The following HMOX2 variants were observed in gnomAD, a reference collection of about 807,000 sequenced individuals.
The protein encoded by HMOX2 is heme oxygenase 2, also known as heme oxygenase (decycling) 2.
Under a neutral mutation model 33.7 loss-of-function variants are expected in HMOX2, and 30 were observed. The ratio of observed to expected loss-of-function variants is 0.89; its 90% CI spans 0.67 to 1.21. The LOEUF is 1.21. Ranked by LOEUF, HMOX2 falls within the 50% of genes most tolerant of loss-of-function variation. The pLI, the probability that HMOX2 is intolerant of heterozygous loss-of-function variation, is 0.00. For synonymous variants in HMOX2, 155 were observed against 155.0 expected, an observed-to-expected ratio of 1.00 and a Z score of 0.00; for missense variants, 403 against 399.1, an observed-to-expected ratio of 1.01 and a Z score of -0.08.
At chr16:4,477,745 C>T (rs1435426970) in intron 1 of HMOX2, among the ~76,000 whole-genome samples, 3 of 151,924 alleles carry the variant, frequency 2.0e-5, no homozygotes, top group Non-Finnish European at 2.9e-5. Context: ...ATGGTGAAAC[C>T]CCGTCTCTAC....
At chr16:4,491,763 C>A (rs551114869) in intron 1 of HMOX2, among the ~76,000 whole-genome samples, 2 of 151,950 alleles carry the variant, frequency 1.3e-5, no homozygotes, top group East Asian at 3.9e-4. Context: ...GGCTGGAGTG[C>A]TGTGGCATGA....
chr16:4,480,628 C>T (rs1331804778), intron 1 of HMOX2, among the ~76,000 whole-genome samples: 1 of 150,476 alleles, frequency 6.6e-6, no homozygotes, highest in Non-Finnish European at 1.5e-5. Context: ...GGTGGAGCGA[C>T]CGTGCCCGGC....
chr16:4,490,689 A>G (rs778134503), intron 1 of HMOX2, among the ~76,000 whole-genome samples: 4 of 152,162 alleles, frequency 2.6e-5, no homozygotes, highest in African/African-American at 9.7e-5. Flanking sequence ...AGCTGCCTCT[A>G]ATAGCTTCTT....
intron 1 of HMOX2, among the ~76,000 whole-genome samples, chr16:4,482,955 TG>T (rs2058067730): frequency 6.6e-6 from 1 of 151,778 alleles, no homozygotes; most frequent in African/African-American, 2.4e-5. Context: ...GCTTGGACCC[TG>T]GGGGCAGATG....
chr16:4,505,069 T>A (rs1252451529), intron 1 of HMOX2, among the ~76,000 whole-genome samples: 22 of 152,198 alleles, frequency 1.4e-4, no homozygotes, highest in Admixed American at 1.4e-3. Flanking sequence ...TTTGCCTTGT[T>A]TGCTTTTCTG....
chr16:4,487,980 G>A (rs561220857), intron 1 of HMOX2, among the ~76,000 whole-genome samples: 15 of 150,818 alleles, frequency 9.9e-5, no homozygotes, highest in Admixed American at 7.9e-4. Context: ...AAATGTAGCC[G>A]GGTGTGGTTT....
intron 1 of HMOX2, chr16:4,496,335 G>C (rs771331405): frequency 6.6e-6 from 1 of 151,968 alleles, no homozygotes; most frequent in Non-Finnish European, 1.5e-5. Context: ...TGTTGGCCAG[G>C]CTGCTCTCGA....
intron 1 of HMOX2, among the ~76,000 whole-genome samples, chr16:4,479,726 A>G (rs1308215642): frequency 1.3e-5 from 1 of 79,874 alleles, no homozygotes; most frequent in African/African-American, 5.2e-5. Flanking sequence ...TTCTTATTCT[A>G]TTTTTTTTTT....
intron 1 of HMOX2, among the ~76,000 whole-genome samples, chr16:4,504,223 G>C (rs1377122469): frequency 6.6e-6 from 1 of 152,252 alleles, no homozygotes; most frequent in East Asian, 1.9e-4. Context: ...TTCTGCACAA[G>C]GCACCCAGCC....
chr16:4,497,688 A>G (rs1290051446), intron 1 of HMOX2, among the ~76,000 whole-genome samples: 2 of 152,156 alleles, frequency 1.3e-5, no homozygotes, highest in Admixed American at 1.3e-4. Context: ...AGATGAGCAC[A>G]CTTCTCTTCT....
chr16:4,486,701 T>TA (rs1011737817), intron 1 of HMOX2, among the ~76,000 whole-genome samples: 2 of 152,160 alleles, frequency 1.3e-5, no homozygotes, highest in African/African-American at 4.8e-5. Flanking sequence ...GATTTGGACA[T>TA]ACAGGCCTAA....
At position 4,508,198 on chromosome 16, in the gene HMOX2, C is replaced by T. The variant is rs2141612400; in HGVS notation, c.690C>T (p.Asn230=). 6.2e-7 allele frequency: 1 copy of T among 1,602,840 alleles called. No individual in the cohort carries two copies. Residue 230 remains asparagine, a synonymous_variant, in exon 4 of 6, where the codon AAC becomes AAT. Transcript: ENST00000570646. ...AGGCCAACAAGGCTTTTGAGTATAA[C>T]ATGCAGGTACTATTGGGGGCTGCCA... is the stretch of plus-strand genomic sequence containing the variant. ...VEEANKAFEY[N]MQIFNELDQA... is the part of the protein sequence containing the mutation.
chr16:4,480,300 G>T (rs902654162), intron 1 of HMOX2, among the ~76,000 whole-genome samples: 1 of 151,356 alleles, frequency 6.6e-6, no homozygotes, highest in Non-Finnish European at 1.5e-5. Flanking sequence ...CACCCTCCTT[G>T]GCCTCCCAAA....
In HMOX2 at chr16:4,485,968, CCCACCTCAG is replaced by C. The variant is rs2058157960; in HGVS notation, c.-42+9484_-42+9492del. ...CGAACTCCTGACCTCAGGTGATCCACCCACCTCAGCCTCCCAAAGTGCTGGGATTACAGG... is the reference window on the plus strand; with the variant it reads ...CGAACTCCTGACCTCAGGTGATCCACCCTCCCAAAGTGCTGGGATTACAGG... On this transcript the variant is annotated intron_variant, in intron 1 of 5. Transcript: ENST00000570646. Among the ~76,000 whole-genome samples, 3 of 152,150 alleles carry C rather than the reference CCCACCTCAG, an allele frequency of 2.0e-5. No homozygotes were observed. The South Asian group carries it at 6.2e-4, about 32-fold the overall frequency.
At chr16:4,501,086 G>C (rs2058546837) in intron 1 of HMOX2, among the ~76,000 whole-genome samples, 2 of 152,120 alleles carry the variant, frequency 1.3e-5, no homozygotes, top group African/African-American at 4.8e-5. Flanking sequence ...TGCAGTGCGG[G>C]ATCTTAGCTG....
intron 1 of HMOX2, among the ~76,000 whole-genome samples, chr16:4,487,619 C>A (rs1315570742): frequency 1.3e-5 from 2 of 152,024 alleles, no homozygotes; most frequent in Admixed American, 6.6e-5. Context: ...CTGTGAATGG[C>A]GAAACCCCGT....
chr16:4,495,116 C>G (rs1344400758), intron 1 of HMOX2, among the ~76,000 whole-genome samples: 1 of 152,200 alleles, frequency 6.6e-6, no homozygotes, highest in Non-Finnish European at 1.5e-5. Flanking sequence ...TCTGGACACT[C>G]TGCCCGACTA....
chr16:4,502,964 G>T (rs17885807), intron 1 of HMOX2: 12,321 of 152,134 alleles, frequency 0.081, 796 homozygotes, highest in African/African-American at 0.18. Flanking sequence ...TTACAGGTGT[G>T]TGCCACCATG....
rs1235108097 is a variant in HMOX2 at position 4,509,541 on chromosome 16, A to G, written c.823+3A>G. On this transcript the variant is annotated splice_donor_region_variant and intron_variant, in intron 5 of 5. Coordinates refer to ENST00000570646, the MANE Select transcript of HMOX2 (RefSeq NM_002134.4). ...CTACGCTGCTGAACAAGACAAAGGT[A>G]GGTCTGTGTGTCCTGAGCTCCCCTC... 9 of 1,614,062 alleles carry G rather than the reference A, an allele frequency of 5.6e-6. No homozygotes were observed. In the Admixed American group the frequency reaches 1.3e-4, roughly 24 times the overall value.
Sources: gnomAD v4.1 joint callset for allele counts (sites outside exome capture counted in the v4.1 genomes callset) on GRCh38, gnomAD v4.1.1 for gene constraint, MANE v1.5 for transcripts, NCBI Gene and HGNC (gene_info 2026-07-23, HGNC 2026-07-21) for gene names.